Variants in RBFOX1 observed in about 807,000 individuals in gnomAD.
RBFOX1 encodes the protein RNA binding fox-1 homolog 1.
Under a neutral mutation model 57.7 loss-of-function variants are expected in RBFOX1, and 8 were observed. The ratio of observed to expected loss-of-function variants is 0.14; its 90% CI spans 0.08 to 0.25. The LOEUF (loss-of-function observed/expected upper bound fraction) is 0.25, where lower values mean the gene tolerates loss of function less well. Among genes scored for constraint, RBFOX1 ranks in the 10% least tolerant of loss-of-function variants. The pLI is 1.00. For synonymous variants in RBFOX1, 326 were observed against 222.4 expected (o/e 1.47, Z -4.15); for missense variants, 611 against 548.5 (o/e 1.11, Z -1.14).
intron 2 of RBFOX1, chr16:5,467,375 A>C (rs953568918): frequency 8.6e-6 from 8 of 933,290 alleles, no homozygotes; most frequent in Non-Finnish European, 1.1e-5. Flanking sequence ...TCTGTAATCA[A>C]CCACAGCACA....
chr16:5,579,985 G>A (rs1003043077), intron 2 of RBFOX1, among the ~76,000 whole-genome samples: 1 of 152,052 alleles, frequency 6.6e-6, no homozygotes, highest in Non-Finnish European at 1.5e-5. Context: ...TGGCTGGACT[G>A]GTCTTGAACC....
intron 4 of RBFOX1, among the ~76,000 whole-genome samples, chr16:7,365,786 G>A (rs766791507): frequency 2.0e-5 from 3 of 152,204 alleles, no homozygotes; most frequent in Non-Finnish European, 4.4e-5. Flanking sequence ...GTCAGTGTAT[G>A]CAAAGTGATG....
chr16:5,965,090 C>T (rs534518307), intron 4 of RBFOX1, among the ~76,000 whole-genome samples: 2 of 152,038 alleles, frequency 1.3e-5, no homozygotes, highest in African/African-American at 4.8e-5. Flanking sequence ...AAATGTCGAA[C>T]CCATAGAAAC....
intron 4 of RBFOX1, among the ~76,000 whole-genome samples, chr16:7,130,348 A>C (rs1423364214): frequency 6.6e-6 from 1 of 152,036 alleles, no homozygotes; most frequent in East Asian, 1.9e-4. Context: ...AAGACTGATT[A>C]TTTTTAAGCC....
At chr16:6,636,923 TTA>T (rs1461446928) in intron 2 of RBFOX1, among the ~76,000 whole-genome samples, 2 of 124,684 alleles carry the variant, frequency 1.6e-5, no homozygotes, top group East Asian at 4.4e-4. Context: ...TATGTATAAA[TTA>T]TGTATAAATA....
At chr16:5,617,311 G>T (rs549759731) in intron 3 of RBFOX1, among the ~76,000 whole-genome samples, 18 of 152,262 alleles carry the variant, frequency 1.2e-4, no homozygotes, top group African/African-American at 4.3e-4. Flanking sequence ...CTTCGGACTA[G>T]CCTGTGAGCA....
chr16:6,046,325 A>T (rs1466881394), intron 1 of RBFOX1, among the ~76,000 whole-genome samples: 1 of 152,176 alleles, frequency 6.6e-6, no homozygotes, highest in African/African-American at 2.4e-5. Context: ...AGCATGAATG[A>T]CTTCTAGCAA....
chr16:5,402,934 A>G (rs551256197), intron 1 of RBFOX1, among the ~76,000 whole-genome samples: 3 of 152,378 alleles, frequency 2.0e-5, no homozygotes, highest in South Asian at 4.1e-4. Context: ...ATATCAGTGC[A>G]GCATTTATCA....
intron 14 of RBFOX1, among the ~76,000 whole-genome samples, chr16:7,689,153 T>C (rs895899109): frequency 6.6e-6 from 1 of 152,154 alleles, no homozygotes; most frequent in Non-Finnish European, 1.5e-5. Context: ...CTTGCAGTCA[T>C]AAGTGCCCCA....
intron 10 of RBFOX1, among the ~76,000 whole-genome samples, chr16:7,613,392 C>A (rs1268958344): frequency 6.6e-6 from 1 of 152,148 alleles, no homozygotes; most frequent in African/African-American, 2.4e-5. Flanking sequence ...CAGAGAACAT[C>A]ACAGACTGTA....
intron 1 of RBFOX1, among the ~76,000 whole-genome samples, chr16:6,168,895 A>C (rs959876603): frequency 1.3e-5 from 2 of 151,730 alleles, no homozygotes; most frequent in Non-Finnish European, 2.9e-5. Context: ...TCCAGGGAAG[A>C]TGGCTGAGGC....
In RBFOX1 at chr16:7,190,735, G is replaced by T. The variant is rs570843790; in HGVS notation, c.27+138637G>T. Reference sequence around the variant, plus strand: ...CCACTGTGTTCTCCTGGCCTTGCATGGTTCTAGGTTTGTAGAGCAAGTTTT... The same window carrying T: ...CCACTGTGTTCTCCTGGCCTTGCATTGTTCTAGGTTTGTAGAGCAAGTTTT... On this transcript the variant is annotated intron_variant, in intron 4 of 15. Transcript: ENST00000550418. 1.1e-4 allele frequency among the ~76,000 whole-genome samples: 16 copies of T among 152,236 alleles called. No homozygotes were observed. In the East Asian group the frequency reaches 2.9e-3, roughly 28 times the overall value.
intron 2 of RBFOX1, among the ~76,000 whole-genome samples, chr16:6,353,427 C>A (rs2086738911): frequency 6.6e-6 from 1 of 151,462 alleles, no homozygotes; most frequent in Non-Finnish European, 1.5e-5. Context: ...GTTTTACTGA[C>A]AAATATAACT....
At chr16:6,972,590 T>G (rs1204521815) in intron 3 of RBFOX1, among the ~76,000 whole-genome samples, 2 of 152,124 alleles carry the variant, frequency 1.3e-5, no homozygotes, top group African/African-American at 2.4e-5. Context: ...CTGATTGGAA[T>G]GTTCTGGGAG....
chr16:6,330,175 A>T (rs554703234), intron 2 of RBFOX1, among the ~76,000 whole-genome samples: 2 of 152,210 alleles, frequency 1.3e-5, no homozygotes, highest in African/African-American at 4.8e-5. Context: ...TAAAAAAGTC[A>T]TAAGGATAGG....
chr16:7,330,502 GTGTGTGTT>G (rs761091993), intron 4 of RBFOX1, among the ~76,000 whole-genome samples: 1,209 of 84,714 alleles, frequency 0.014, 17 homozygotes, highest in Middle Eastern at 0.031. Context: ...GTGTGTGTGT[GTGTGTGTT>G]TGTGTGTGTG....
chr16:6,519,260 C>T (rs370250164), intron 2 of RBFOX1, among the ~76,000 whole-genome samples: 1 of 152,024 alleles, frequency 6.6e-6, no homozygotes, highest in Non-Finnish European at 1.5e-5. Context: ...GCTCTGTGCA[C>T]CAGAAAGGGT....
chr16:5,352,998 T>C (rs1028508098), intron 1 of RBFOX1, among the ~76,000 whole-genome samples: 3 of 152,226 alleles, frequency 2.0e-5, no homozygotes, highest in Non-Finnish European at 1.5e-5. Context: ...CCCCAATTTT[T>C]CTGATACTAT....
At chr16:5,916,806 T>A (rs1372319251) in intron 4 of RBFOX1, among the ~76,000 whole-genome samples, 1 of 152,118 alleles carries the variant, frequency 6.6e-6, no homozygotes, top group African/African-American at 2.4e-5. Context: ...AACCCCTGGA[T>A]TGAGCTGGGA....
Sources: allele counts gnomAD v4.1 joint callset (sites outside exome capture counted in the v4.1 genomes callset), GRCh38; gene constraint gnomAD v4.1.1; transcripts MANE v1.5; gene names NCBI Gene and HGNC (gene_info 2026-07-23, HGNC 2026-07-21).